KHDRBS2: variants seen among roughly 807,000 people sequenced by gnomAD.
KHDRBS2 encodes KH RNA binding domain containing, signal transduction associated 2.
In KHDRBS2, 26 loss-of-function variants were observed where a neutral mutation model predicts 44.3. The ratio of observed to expected loss-of-function variants is 0.59; its 90% CI spans 0.43 to 0.81. KHDRBS2 has a LOEUF of 0.81. Ranked by LOEUF, KHDRBS2 falls within the 40% of genes least tolerant of loss-of-function variation. KHDRBS2 has a pLI of 0.00. For synonymous variants in KHDRBS2, 194 were observed against 151.1 expected (o/e 1.28, Z -2.08); for missense variants, 476 against 433.1 (o/e 1.10, Z -0.88).
the KHDRBS2 span, among the ~76,000 whole-genome samples, chr6:61,571,328 A>T: frequency 9.2e-5 from 14 of 152,134 alleles, no homozygotes; most frequent in African/African-American, 2.9e-4. Flanking sequence ...ACAAAAAGGG[A>T]CATTATATAA....
intron 7 of KHDRBS2, among the ~76,000 whole-genome samples, chr6:61,707,455 G>A (rs1282310704): frequency 6.6e-6 from 1 of 151,712 alleles, no homozygotes; most frequent in Non-Finnish European, 1.5e-5. Context: ...TAGCATCAAA[G>A]TGGCATGACT....
chr6:62,133,570 G>A (rs542339344), intron 2 of KHDRBS2, among the ~76,000 whole-genome samples: 1 of 152,296 alleles, frequency 6.6e-6, no homozygotes, highest in African/African-American at 2.4e-5. Flanking sequence ...GTGGGGCACT[G>A]CCATAAATAT....
At chr6:62,064,646 A>G (rs189287084) in intron 2 of KHDRBS2, among the ~76,000 whole-genome samples, 1 of 151,940 alleles carries the variant, frequency 6.6e-6, no homozygotes, top group Admixed American at 6.6e-5. Context: ...TGGATTAAAG[A>G]TTTGAACGTT....
At chr6:61,857,502 T>C (rs1796313887) in intron 6 of KHDRBS2, among the ~76,000 whole-genome samples, 1 of 151,974 alleles carries the variant, frequency 6.6e-6, no homozygotes, top group Non-Finnish European at 1.5e-5. Context: ...TTCTCTTGAC[T>C]CTTCAAAATA....
chr6:62,157,416 C>T (rs1248493849), intron 2 of KHDRBS2, among the ~76,000 whole-genome samples: 2 of 152,124 alleles, frequency 1.3e-5, no homozygotes, highest in Non-Finnish European at 2.9e-5. Flanking sequence ...TGGAACTACT[C>T]AACATATATC....
chr6:61,797,145 A>G (rs888358975), intron 6 of KHDRBS2, among the ~76,000 whole-genome samples: 7 of 152,146 alleles, frequency 4.6e-5, no homozygotes, highest in East Asian at 1.9e-4. Flanking sequence ...AGCTGAACAT[A>G]TATTTTTGAC....
At chr6:61,685,596 C>T (rs113273700) in intron 8 of KHDRBS2, among the ~76,000 whole-genome samples, 1 of 151,774 alleles carries the variant, frequency 6.6e-6, no homozygotes, top group Non-Finnish European at 1.5e-5. Context: ...TCAGGTTTTA[C>T]AGACTGCCTA....
intron 2 of KHDRBS2, among the ~76,000 whole-genome samples, chr6:62,051,074 A>C (rs1222395989): frequency 6.6e-6 from 1 of 152,056 alleles, no homozygotes; most frequent in Non-Finnish European, 1.5e-5. Flanking sequence ...ATGGTGTTAG[A>C]CTTCATAAGA....
chr6:61,925,790 A>T (rs778696192), intron 4 of KHDRBS2, among the ~76,000 whole-genome samples: 32 of 152,090 alleles, frequency 2.1e-4, no homozygotes, highest in Non-Finnish European at 4.3e-4. Flanking sequence ...ATAAAGATTA[A>T]CATGTAAGTA....
At chr6:62,149,118 A>G (rs1333441884) in intron 2 of KHDRBS2, among the ~76,000 whole-genome samples, 4 of 152,044 alleles carry the variant, frequency 2.6e-5, no homozygotes. Context: ...ACAGCCTTAA[A>G]CTTGACAAAT....
At chr6:62,273,957 T>G (rs1270283151) in intron 1 of KHDRBS2, among the ~76,000 whole-genome samples, 1 of 152,068 alleles carries the variant, frequency 6.6e-6, no homozygotes, top group African/African-American at 2.4e-5. Context: ...TTTATTTTTT[T>G]GAAATGGAGT....
intron 6 of KHDRBS2, among the ~76,000 whole-genome samples, chr6:61,883,469 T>C (rs1175994343): frequency 1.3e-5 from 2 of 152,058 alleles, no homozygotes; most frequent in African/African-American, 2.4e-5. Flanking sequence ...ATGTTAATTA[T>C]AAAGTACAGG....
At chr6:62,275,332 GC>G (rs1585566645) in intron 1 of KHDRBS2, among the ~76,000 whole-genome samples, 2 of 151,814 alleles carry the variant, frequency 1.3e-5, no homozygotes, top group East Asian at 3.9e-4. Context: ...TTCCTTAAAG[GC>G]CCCCTTTTCC....
At chr6:61,686,303 CT>C (rs1766807492) in intron 8 of KHDRBS2, among the ~76,000 whole-genome samples, 1 of 151,674 alleles carries the variant, frequency 6.6e-6, no homozygotes, top group African/African-American at 2.4e-5. Flanking sequence ...AGTGTTTTTG[CT>C]TTGCAAATCA....
In KHDRBS2 at chr6:61,680,814, T is replaced by C; in HGVS notation, c.*149A>G. ...ACGCCAACAGTACAGAGGGAAATAC[T>C]AGAAATATATGGGAGTAATCATGAG... On this transcript the variant is annotated 3_prime_UTR_variant, in exon 9 of 9. Coordinates refer to ENST00000281156, the MANE Select transcript of KHDRBS2 (RefSeq NM_152688.4). The C allele has an allele frequency of 1.7e-6, 1 of 578,064 alleles. No individual in the cohort carries two copies. Among genetic ancestry groups the C allele is most frequent in the Non-Finnish European group, 3.1e-6 (1 of 320,644 alleles). 35.8% of individuals were successfully genotyped at this position (578,064 alleles called of 1,614,324 possible). A position where few individuals can be genotyped will look rare whatever the true frequency, so the allele number is the denominator to read the frequency against.
intron 2 of KHDRBS2, among the ~76,000 whole-genome samples, chr6:62,116,977 C>A (rs1806400017): frequency 6.6e-6 from 1 of 152,056 alleles, no homozygotes; most frequent in South Asian, 2.1e-4. Flanking sequence ...TACCATGTTT[C>A]TTTATCCATT....
rs1553394 is a variant in KHDRBS2 at position 61,948,852 on chromosome 6, T to A, written c.483+29214A>T. Among the ~76,000 whole-genome samples, 121 of 151,890 alleles carry A rather than the reference T, an allele frequency of 8.0e-4. 1 individual carries two copies. The East Asian group carries it at 0.021, about 27-fold the overall frequency. On this transcript the variant is annotated intron_variant, in intron 4 of 8. Transcript: ENST00000281156. ...CCAAACCCTTACAAATCAGTGGCTT[T>A]GGTGATAGTGCTGATGGTGAGAATA...
intron 4 of KHDRBS2, among the ~76,000 whole-genome samples, chr6:61,970,520 G>C (rs966807036): frequency 6.6e-6 from 1 of 152,072 alleles, no homozygotes; most frequent in Non-Finnish European, 1.5e-5. Flanking sequence ...CTGGATGCAG[G>C]AAGATGGTAA....
chr6:61,807,738 G>T (rs781534623), intron 6 of KHDRBS2, among the ~76,000 whole-genome samples: 3 of 151,978 alleles, frequency 2.0e-5, no homozygotes, highest in Non-Finnish European at 4.4e-5. Flanking sequence ...TATTAACTGG[G>T]TGACTAAATT....
Sources: gnomAD v4.1 joint callset for allele counts (sites outside exome capture counted in the v4.1 genomes callset) on GRCh38, gnomAD v4.1.1 for gene constraint, MANE v1.5 for transcripts, NCBI Gene and HGNC (gene_info 2026-07-23, HGNC 2026-07-21) for gene names.